CACNA2D1: variants seen among roughly 807,000 people sequenced by gnomAD.
CACNA2D1 encodes voltage-dependent calcium channel subunit alpha-2/delta-1.
A neutral mutation model predicts 171.5 loss-of-function variants in CACNA2D1; 53 were observed. The observed-to-expected ratio is 0.31, with a 90% CI of 0.25 to 0.39. CACNA2D1 has a LOEUF of 0.39. Ranked by LOEUF, CACNA2D1 falls within the 10% of genes least tolerant of loss-of-function variation. The probability of loss-of-function intolerance (pLI) is 1.00; values close to 1 mark genes in which losing one functional copy is unlikely to be tolerated. For missense variants in CACNA2D1, 903 were observed against 1,299.8 expected, an observed-to-expected ratio of 0.69 and a Z score of 4.69; for synonymous variants, 442 against 443.1, an observed-to-expected ratio of 1.00 and a Z score of 0.03.
intron 9 of CACNA2D1, among the ~76,000 whole-genome samples, chr7:82,061,081 C>G (rs1457741508): frequency 6.6e-6 from 1 of 152,190 alleles, no homozygotes; most frequent in Non-Finnish European, 1.5e-5. Context: ...GCTGGCTCAA[C>G]TCTAGGCAAC....
intron 3 of CACNA2D1, among the ~76,000 whole-genome samples, chr7:82,286,766 T>C (rs1335057871): frequency 1.3e-5 from 2 of 152,236 alleles, no homozygotes; most frequent in East Asian, 3.8e-4. Context: ...TGTTTTATTT[T>C]CTTTTTTTTA....
chr7:82,177,418 T>A (rs1331219126), intron 3 of CACNA2D1, among the ~76,000 whole-genome samples: 1 of 152,072 alleles, frequency 6.6e-6, no homozygotes, highest in Non-Finnish European at 1.5e-5. Flanking sequence ...CAAAGAGAAA[T>A]TCCACAAGTT....
chr7:81,970,646 T>C, intron 27 of CACNA2D1, 29 bp downstream of exon 27: 1 of 1,251,458 alleles, frequency 8.0e-7, no homozygotes, highest in Non-Finnish European at 1.2e-6. Context: ...TGTAATGTAC[T>C]TGTTTTTACA....
At chr7:82,397,447 T>C (rs1825860377) in intron 1 of CACNA2D1, among the ~76,000 whole-genome samples, 1 of 152,214 alleles carries the variant, frequency 6.6e-6, no homozygotes, top group Non-Finnish European at 1.5e-5. Context: ...ATCTAACATA[T>C]ATTTGTGTTT....
At chr7:82,059,803 A>C (rs916508558) in intron 10 of CACNA2D1, among the ~76,000 whole-genome samples, 43 of 150,766 alleles carry the variant, frequency 2.9e-4, no homozygotes, top group Non-Finnish European at 1.0e-4. Flanking sequence ...ACACCATGGA[A>C]TACTATGCAG....
At chr7:82,420,831 A>G (rs74600042) in intron 1 of CACNA2D1, among the ~76,000 whole-genome samples, 1 of 135,008 alleles carries the variant, frequency 7.4e-6, no homozygotes, top group African/African-American at 3.2e-5. Context: ...AGCGAGCAGG[A>G]AAAAAAAAAA....
intron 4 of CACNA2D1, among the ~76,000 whole-genome samples, chr7:82,154,331 TAC>T (rs765120997): frequency 6.6e-6 from 1 of 152,154 alleles, no homozygotes; most frequent in Non-Finnish European, 1.5e-5. Flanking sequence ...TTTGTACGTG[TAC>T]AGAGAACAAA....
chr7:82,180,912 C>G (rs1797058358), intron 3 of CACNA2D1, among the ~76,000 whole-genome samples: 1 of 151,774 alleles, frequency 6.6e-6, no homozygotes, highest in South Asian at 2.1e-4. Flanking sequence ...TCTTAAGGTG[C>G]TCAGGCTTTC....
At chr7:82,349,467 T>A in intron 2 of CACNA2D1, 101 bp downstream of exon 2, 1 of 953,036 alleles carries the variant, frequency 1.0e-6, no homozygotes, top group South Asian at 1.3e-5. Context: ...ACATGAGAAA[T>A]CATATCCCAT....
At chr7:82,428,688 C>T (rs1322026760) in intron 1 of CACNA2D1, among the ~76,000 whole-genome samples, 3 of 152,134 alleles carry the variant, frequency 2.0e-5, no homozygotes, top group South Asian at 4.1e-4. Context: ...ACTTGATGGC[C>T]TCTCATTTAA....
chr7:82,206,411 A>G (rs1274445553), intron 3 of CACNA2D1, among the ~76,000 whole-genome samples: 1 of 152,150 alleles, frequency 6.6e-6, no homozygotes, highest in African/African-American at 2.4e-5. Flanking sequence ...ACTAATTGTA[A>G]TAACTCTTAA....
rs757285033 is a variant in CACNA2D1, at chr7:81,950,520, A to C, written c.3160-12T>G. ...TCAGTATAATCCTCCTGTTGTTAAA[A>C]AAAAAAGAAAAGAACAGAAAAAGAA... On this transcript the variant is annotated splice_polypyrimidine_tract_variant and intron_variant, in intron 38 of 38. Coordinates refer to ENST00000356860, the MANE Select transcript of CACNA2D1 (RefSeq NM_000722.4). 9 of 1,603,770 alleles carry C rather than the reference A, an allele frequency of 5.6e-6. No homozygotes were observed. In the Admixed American group the frequency reaches 1.5e-4, roughly 27 times the overall value.
At chr7:82,021,855 T>C (rs1713018527) in intron 12 of CACNA2D1, among the ~76,000 whole-genome samples, 1 of 151,942 alleles carries the variant, frequency 6.6e-6, no homozygotes, top group Non-Finnish European at 1.5e-5. Context: ...AGATATACTG[T>C]GAGCAGAGTT....
chr7:81,965,586 G>T lies in CACNA2D1; in HGVS notation c.2574+8C>A. 1.4e-6 allele frequency: 2 copies of T among 1,456,848 alleles called. No homozygotes were observed. Among genetic ancestry groups the T allele is most frequent in the Non-Finnish European group, 1.9e-6 (2 of 1,037,380 alleles). The allele number at this position is 1,456,848 out of a possible 1,614,324, so 90.2% of individuals were successfully genotyped here. On this transcript the variant is annotated splice_region_variant and intron_variant, in intron 32 of 38. Transcript: ENST00000356860. ...AAAGCCTAATTCCCTCTTATTTGAG[G>T]TACATACCTGATTAGTATAATCATC...
At chr7:81,951,969 G>GTTTTTTTTTTTTTTTTTTTTTTT (rs774805421) in intron 38 of CACNA2D1, among the ~76,000 whole-genome samples, 14 of 71,914 alleles carry the variant, frequency 1.9e-4, no homozygotes, top group African/African-American at 3.6e-4. Context: ...TGTACAAAGT[G>GTTTTTTTTTTTTTTTTTTTTTTT]TTTTTTTTTT....
chr7:82,099,590 C>T (rs1180699421), intron 6 of CACNA2D1, among the ~76,000 whole-genome samples: 1 of 108,140 alleles, frequency 9.2e-6, no homozygotes, highest in Non-Finnish European at 2.0e-5. Context: ...GCTGGGACTA[C>T]AGGCGCCCGC....
At chr7:81,968,507 CT>C (rs902578257) in intron 29 of CACNA2D1, among the ~76,000 whole-genome samples, 3 of 151,338 alleles carry the variant, frequency 2.0e-5, no homozygotes, top group East Asian at 3.9e-4. Context: ...GGAAACTTAA[CT>C]TTTTTGTACA....
At chr7:82,328,018 T>A (rs1365097932) in intron 3 of CACNA2D1, among the ~76,000 whole-genome samples, 1 of 152,246 alleles carries the variant, frequency 6.6e-6, no homozygotes, top group African/African-American at 2.4e-5. Flanking sequence ...ACCAGCTCCA[T>A]CTCACTGCCT....
intron 5 of CACNA2D1, among the ~76,000 whole-genome samples, chr7:82,133,626 A>T (rs1252915544): frequency 6.6e-6 from 1 of 152,224 alleles, no homozygotes; most frequent in Non-Finnish European, 1.5e-5. Flanking sequence ...GTAAAGATGT[A>T]CTGATATTTA....
Sources: gnomAD v4.1 joint callset for allele counts (sites outside exome capture counted in the v4.1 genomes callset) on GRCh38, gnomAD v4.1.1 for gene constraint, MANE v1.5 for transcripts, NCBI Gene and HGNC (gene_info 2026-07-23, HGNC 2026-07-21) for gene names.